The following CUX1 variants were observed in gnomAD, a reference collection of about 807,000 sequenced individuals.
The protein encoded by CUX1 is cut like homeobox 1.
In CUX1, 31 loss-of-function variants were observed where a neutral mutation model predicts 158.8. The observed-to-expected ratio is 0.20, with a 90% confidence interval of 0.15 to 0.26. The LOEUF (loss-of-function observed/expected upper bound fraction) is 0.26, where lower values mean the gene tolerates loss of function less well. Among genes scored for constraint, CUX1 ranks in the 10% least tolerant of loss-of-function variants. The pLI, the probability that CUX1 is intolerant of heterozygous loss-of-function variation, is 1.00. For missense variants in CUX1, 1,589 were observed against 2,014.6 expected (o/e 0.79, Z 4.04); for synonymous variants, 879 against 862.1 (o/e 1.02, Z -0.34).
chr7:102,282,863 C>T (rs1792198915), intron 22 of CUX1: 3 of 1,049,958 alleles, frequency 2.9e-6, no homozygotes, highest in East Asian at 3.3e-5. Flanking sequence ...CCTCATGTCC[C>T]CCACTCCTTA....
intron 22 of CUX1, chr7:102,282,939 T>G: frequency 2.1e-6 from 1 of 480,344 alleles, no homozygotes; most frequent in Non-Finnish European, 3.6e-6. Flanking sequence ...CACTACCCCC[T>G]AGCCCCACCC....
chr7:102,265,835 G>A (rs1429350194), intron 14 of CUX1, among the ~76,000 whole-genome samples: 1 of 152,028 alleles, frequency 6.6e-6, no homozygotes, highest in African/African-American at 2.4e-5. Context: ...AATGAGAGGT[G>A]GTCATGACTC....
At chr7:101,956,372 G>A (rs1312509235) in intron 2 of CUX1, among the ~76,000 whole-genome samples, 1 of 151,980 alleles carries the variant, frequency 6.6e-6, no homozygotes, top group Non-Finnish European at 1.5e-5. Context: ...TTTATCACCA[G>A]CTAACTTATT....
chr7:101,979,312 A>G (rs371670998), intron 2 of CUX1, among the ~76,000 whole-genome samples: 1 of 152,218 alleles, frequency 6.6e-6, no homozygotes, highest in African/African-American at 2.4e-5. Flanking sequence ...GGAGCAGGTC[A>G]TCACCCACAC....
At chr7:102,162,445 C>A (rs1050774559) in intron 9 of CUX1, among the ~76,000 whole-genome samples, 1 of 151,168 alleles carries the variant, frequency 6.6e-6, no homozygotes, top group South Asian at 2.1e-4. Flanking sequence ...TGGGTTCAAG[C>A]GATTCTCCTG....
At chr7:102,030,083 C>T (rs148181231) in intron 3 of CUX1, among the ~76,000 whole-genome samples, 468 of 151,916 alleles carry the variant, frequency 3.1e-3, no homozygotes, top group African/African-American at 0.011. Flanking sequence ...ACAATCTCAG[C>T]TCGCTGCAAC....
intron 1 of CUX1, among the ~76,000 whole-genome samples, chr7:101,848,116 A>G (rs1453217533): frequency 6.6e-6 from 1 of 151,966 alleles, no homozygotes; most frequent in Admixed American, 6.6e-5. Context: ...AAGAAAAATA[A>G]TGGTCATAAT....
chr7:102,269,689 G>A (rs1554545839), intron 14 of CUX1, among the ~76,000 whole-genome samples: 1 of 150,680 alleles, frequency 6.6e-6, no homozygotes. Context: ...CTCTCAAAGT[G>A]CTGGGATTAC....
intron 20 of CUX1, among the ~76,000 whole-genome samples, chr7:102,213,996 G>A (rs938148345): frequency 7.9e-5 from 12 of 152,296 alleles, no homozygotes; most frequent in African/African-American, 2.9e-4. Flanking sequence ...TTAGCTGGGT[G>A]TGGTGGCGGA....
chr7:102,029,939 CTTGT>C, intron 3 of CUX1, among the ~76,000 whole-genome samples: 1 of 151,750 alleles, frequency 6.6e-6, no homozygotes. Context: ...TAGGTGTTTG[CTTGT>C]TTTTCTTTCT....
Position 102,257,566 on chromosome 7 carries a change from G to C in CUX1, c.*8524G>C, listed in dbSNP as rs1459099906. On this transcript the variant is annotated 3_prime_UTR_variant, in exon 24 of 24. Transcript: ENST00000292535. Reference sequence around the variant, plus strand: ...CCCTTTGCATTGAATAAGAGACCTAGTTCTTTGCGTTTGTGCAATAACTCT... The same window carrying C: ...CCCTTTGCATTGAATAAGAGACCTACTTCTTTGCGTTTGTGCAATAACTCT... 1.0e-6 allele frequency: 1 copy of C among 985,284 alleles called. No individual in the cohort carries two copies. Among genetic ancestry groups the C allele is most frequent in the East Asian group, 1.1e-4 (1 of 8,830 alleles). 61.0% of individuals were successfully genotyped at this position (985,284 alleles called of 1,614,324 possible). A position where few individuals can be genotyped will look rare whatever the true frequency, so the allele number is the denominator to read the frequency against.
At chr7:102,076,863 G>A (rs540674551) in intron 4 of CUX1, among the ~76,000 whole-genome samples, 233 of 151,340 alleles carry the variant, frequency 1.5e-3, no homozygotes, top group African/African-American at 5.3e-3. Context: ...GTAAAACCCC[G>A]TCTCTACAAA....
intron 4 of CUX1, among the ~76,000 whole-genome samples, chr7:102,075,386 A>G (rs1185606547): frequency 6.6e-6 from 1 of 152,174 alleles, no homozygotes; most frequent in East Asian, 1.9e-4. Context: ...TGGCCTCCCC[A>G]GCTGGTTTAG....
intron 20 of CUX1, among the ~76,000 whole-genome samples, chr7:102,207,666 GGTC>G (rs1796090694): frequency 6.6e-6 from 1 of 152,046 alleles, no homozygotes; most frequent in Non-Finnish European, 1.5e-5. Flanking sequence ...TGGCCAGGCC[GGTC>G]TCGAACTCCT....
intron 2 of CUX1, among the ~76,000 whole-genome samples, chr7:101,945,725 G>A (rs1808287565): frequency 6.6e-6 from 1 of 152,236 alleles, no homozygotes; most frequent in South Asian, 2.1e-4. Context: ...TGCAGGCCAA[G>A]AGGGAGGAGT....
At chr7:101,905,241 C>T (rs1802622707) in intron 1 of CUX1, among the ~76,000 whole-genome samples, 1 of 152,178 alleles carries the variant, frequency 6.6e-6, no homozygotes, top group African/African-American at 2.4e-5. Flanking sequence ...ATGTGACCTA[C>T]CCAGGAAAAG....
intron 1 of CUX1, among the ~76,000 whole-genome samples, chr7:101,863,328 CT>C (rs1431231221): frequency 7.3e-5 from 11 of 150,406 alleles, no homozygotes; most frequent in African/African-American, 2.4e-4. Flanking sequence ...GTGTCTTTGT[CT>C]TTTGAGAGTT....
intron 21 of CUX1, among the ~76,000 whole-genome samples, chr7:102,231,658 G>C (rs1174587198): frequency 1.3e-5 from 2 of 151,514 alleles, no homozygotes; most frequent in Non-Finnish European, 2.9e-5. Flanking sequence ...AACATAGCAA[G>C]CTCCTTGAAA....
chr7:102,160,388 C>T (rs539697534), intron 9 of CUX1, among the ~76,000 whole-genome samples: 6 of 152,164 alleles, frequency 3.9e-5, no homozygotes, highest in African/African-American at 1.4e-4. Flanking sequence ...TATCAGTGCT[C>T]TATCCAGAAC....
Sources: allele counts gnomAD v4.1 joint callset (sites outside exome capture counted in the v4.1 genomes callset), GRCh38; gene constraint gnomAD v4.1.1; transcripts MANE v1.5; gene names NCBI Gene and HGNC (gene_info 2026-07-23, HGNC 2026-07-21).